The following DRC3 variants were observed in gnomAD, a reference collection of about 807,000 sequenced individuals.
DRC3 encodes the protein dynein regulatory complex subunit 3.
In DRC3, 45 loss-of-function variants were observed where a neutral mutation model predicts 57.6. That is an observed-to-expected ratio of 0.78 (90% CI 0.62 to 1.00). The LOEUF (loss-of-function observed/expected upper bound fraction) is 1.00. DRC3 is among the 50% of genes least tolerant of loss of function. The pLI, the probability that DRC3 is intolerant of heterozygous loss-of-function variation, is 0.00. For synonymous variants in DRC3, 257 were observed against 272.3 expected, an observed-to-expected ratio of 0.94 and a Z score of 0.55; for missense variants, 655 against 675.2, an observed-to-expected ratio of 0.97 and a Z score of 0.33.
chr17:17,986,913 G>A (rs1027530892), intron 4 of DRC3, among the ~76,000 whole-genome samples: 1 of 152,124 alleles, frequency 6.6e-6, no homozygotes, highest in Non-Finnish European at 1.5e-5. Context: ...AACCTGTAGT[G>A]GGGAAAAAGT....
intron 4 of DRC3, among the ~76,000 whole-genome samples, chr17:17,987,132 T>C (rs1025621814): frequency 2.0e-5 from 3 of 148,462 alleles, no homozygotes; most frequent in Middle Eastern, 3.2e-3. Context: ...GGAGGATCAC[T>C]TGAACCCAGG....
intron 12 of DRC3, chr17:18,015,061 C>G (rs1296446854): frequency 2.6e-5 from 4 of 152,164 alleles, no homozygotes; most frequent in African/African-American, 9.7e-5. Context: ...CCAAGAGAGA[C>G]AAAGCTTAAA....
At chr17:18,003,307 A>AC (rs2043812788) in intron 9 of DRC3, among the ~76,000 whole-genome samples, 1 of 151,232 alleles carries the variant, frequency 6.6e-6, no homozygotes, top group Non-Finnish European at 1.5e-5. Context: ...AGATGGTGAA[A>AC]CCCCGTCTCT....
intron 12 of DRC3, among the ~76,000 whole-genome samples, chr17:18,013,069 A>G (rs2044224211): frequency 6.6e-6 from 1 of 152,240 alleles, no homozygotes. Flanking sequence ...ATCACTAGTT[A>G]TCAGGGAAAT....
intron 2 of DRC3, among the ~76,000 whole-genome samples, chr17:17,975,706 C>T (rs901065711): frequency 1.3e-5 from 2 of 152,080 alleles, no homozygotes; most frequent in Non-Finnish European, 1.5e-5. Context: ...GTCACCCCAA[C>T]GAGGTGGAGC....
intron 5 of DRC3, among the ~76,000 whole-genome samples, chr17:17,989,779 C>G (rs138934074): frequency 1.4e-3 from 217 of 152,350 alleles, no homozygotes; most frequent in African/African-American, 4.9e-3. Flanking sequence ...GGGGGATTAA[C>G]TTTCTTGCCA....
At chr17:18,001,091 CT>C (rs547044145) in intron 9 of DRC3, among the ~76,000 whole-genome samples, 326 of 143,544 alleles carry the variant, frequency 2.3e-3, no homozygotes, top group Middle Eastern at 0.021. Flanking sequence ...CTTTTTCTTT[CT>C]TTTTTTTTTT....
intron 2 of DRC3, among the ~76,000 whole-genome samples, chr17:17,975,862 T>C (rs530404305): frequency 3.9e-5 from 6 of 152,238 alleles, no homozygotes; most frequent in South Asian, 2.1e-4. Flanking sequence ...CAAGAGCTCA[T>C]TGGGACATTT....
chr17:17,993,141 G>A (rs2043306320), intron 6 of DRC3: 6 of 495,186 alleles, frequency 1.2e-5, no homozygotes, highest in African/African-American at 1.9e-5. Context: ...TCCACACACT[G>A]TCCCAGGGCC....
At chr17:18,002,447 A>T (rs1390832437) in intron 9 of DRC3, among the ~76,000 whole-genome samples, 2 of 152,198 alleles carry the variant, frequency 1.3e-5, no homozygotes, top group Non-Finnish European at 2.9e-5. Flanking sequence ...AGCAGCTGGT[A>T]GTCAGTGCTG....
intron 3 of DRC3, 64 bp from the exon 4 acceptor site, chr17:17,983,764 T>C: frequency 8.3e-7 from 1 of 1,203,526 alleles, no homozygotes; most frequent in Non-Finnish European, 1.2e-6. Flanking sequence ...GCCTCACTCC[T>C]CCTGTACACT....
At chr17:17,978,282 C>T (rs532699880) in intron 3 of DRC3, among the ~76,000 whole-genome samples, 19 of 152,244 alleles carry the variant, frequency 1.2e-4, no homozygotes, top group African/African-American at 3.4e-4. Context: ...CAGGACCAGG[C>T]GGACCCTCAC....
At chr17:17,995,602 C>T (rs1036708291) in intron 8 of DRC3, 3 of 163,380 alleles carry the variant, frequency 1.8e-5, no homozygotes, top group African/African-American at 7.2e-5. Flanking sequence ...TCATTCTTTC[C>T]CCAGTTGCCT....
chr17:17,993,090 GTAAGTACT>G, intron 6 of DRC3, 179 bp downstream of exon 6: 2 of 654,644 alleles, frequency 3.1e-6, no homozygotes, highest in Non-Finnish European at 5.1e-6. Context: ...CAGCACCCTT[GTAAGTACT>G]GTTTTGTGTG....
rs747234839 is a variant in DRC3 at position 17,997,604 on chromosome 17, G to A, written c.969G>A (p.Lys323=). 6.2e-7 allele frequency: 1 copy of A among 1,609,862 alleles called. No individual in the cohort carries two copies. Among genetic ancestry groups the A allele is most frequent in the East Asian group, 2.2e-5 (1 of 44,712 alleles). ...IQENQEQGKR[K]IAKFEEKHLS... is the part of the protein sequence containing the mutation. ...AAAACCAGGAGCAGGGCAAACGCAA[G>A]ATTGCCAAATTCGAGGAGAAGCACT... Residue 323 remains lysine (K), a synonymous_variant, in exon 9 of 14, where the codon AAG becomes AAA. Transcript: ENST00000399187.
intron 9 of DRC3, among the ~76,000 whole-genome samples, 192 bp downstream of exon 9, chr17:17,997,826 C>T (rs1255257179): frequency 2.0e-5 from 3 of 152,106 alleles, no homozygotes; most frequent in Non-Finnish European, 4.4e-5. Flanking sequence ...TACACCAGCA[C>T]CACCAACCAC....
chr17:17,997,223 A>G lies in DRC3; in HGVS notation c.825-237A>G, dbSNP rs112714539. On this transcript the variant is annotated intron_variant, in intron 8 of 13. Transcript: ENST00000399187. ...TCCTTCACACAGGCCCCATTCCTGA[A>G]TCCCTCAGGCTGAGGGTGGGGATGC... Among the ~76,000 whole-genome samples the G allele has an allele frequency of 4.4e-3, 671 of 152,280 alleles. 7 individuals are homozygous for G. The highest frequency in any genetic ancestry group is 0.015 in the African/African-American group (640 of 41,566).
chr17:17,995,241 G>A (rs945090360), intron 8 of DRC3, 130 bp downstream of exon 8: 18 of 652,512 alleles, frequency 2.8e-5, no homozygotes, highest in Non-Finnish European at 4.0e-5. Flanking sequence ...CTCCACTTGA[G>A]AGCAATGTAC....
chr17:17,999,688 T>C (rs2145375779), intron 9 of DRC3, among the ~76,000 whole-genome samples: 1 of 152,354 alleles, frequency 6.6e-6, no homozygotes, highest in Non-Finnish European at 1.5e-5. Flanking sequence ...GACCCTCTCC[T>C]AGCCTCCATT....
Sources: allele counts gnomAD v4.1 joint callset (sites outside exome capture counted in the v4.1 genomes callset), GRCh38; gene constraint gnomAD v4.1.1; transcripts MANE v1.5; gene names NCBI Gene and HGNC (gene_info 2026-07-23, HGNC 2026-07-21).